The following ELOVL7 variants were observed in gnomAD, a reference collection of about 807,000 sequenced individuals.
ELOVL7 encodes the protein very long chain fatty acid elongase 7.
Under a neutral mutation model 35.7 loss-of-function variants are expected in ELOVL7, and 27 were observed. The observed-to-expected ratio is 0.76, with a 90% CI of 0.56 to 1.04. ELOVL7 has a LOEUF of 1.04. Ranked by LOEUF, ELOVL7 falls within the 50% of genes least tolerant of loss-of-function variation. The pLI is 0.00. For synonymous variants in ELOVL7, 113 were observed against 114.6 expected (o/e 0.99, Z 0.09); for missense variants, 327 against 340.8 (o/e 0.96, Z 0.32).
chr5:60,807,530 G>A (rs200195736), intron 1 of ELOVL7, among the ~76,000 whole-genome samples: 11 of 145,272 alleles, frequency 7.6e-5, no homozygotes, highest in African/African-American at 7.6e-5. Context: ...TTCATTTGAT[G>A]AAAAAAAAAA....
At chr5:60,786,560 T>C (rs890370573) in intron 3 of ELOVL7, among the ~76,000 whole-genome samples, 1 of 152,160 alleles carries the variant, frequency 6.6e-6, no homozygotes, top group African/African-American at 2.4e-5. Context: ...CATATCAGAA[T>C]CACTCGGAGG....
At chr5:60,817,103 G>A (rs1366010461) in intron 1 of ELOVL7, among the ~76,000 whole-genome samples, 2 of 151,878 alleles carry the variant, frequency 1.3e-5, no homozygotes, top group East Asian at 3.9e-4. Context: ...GATTAAATAT[G>A]ACCACTTTAA....
intron 1 of ELOVL7, among the ~76,000 whole-genome samples, chr5:60,808,737 A>G (rs1001425258): frequency 3.3e-5 from 5 of 152,344 alleles, no homozygotes; most frequent in Admixed American, 6.5e-5. Context: ...TCTTTGACTA[A>G]TAAATGGATA....
chr5:60,835,190 GA>G (rs60918884), intron 1 of ELOVL7, among the ~76,000 whole-genome samples: 4,436 of 81,372 alleles, frequency 0.055, 77 homozygotes, highest in Middle Eastern at 0.12. Context: ...ATCCCATCTT[GA>G]AAAAAAAAAA....
intron 1 of ELOVL7, among the ~76,000 whole-genome samples, chr5:60,843,812 G>A (rs139642417): frequency 1.2e-3 from 176 of 152,012 alleles, no homozygotes; most frequent in African/African-American, 3.7e-3. Context: ...GCTCCGCAGC[G>A]CGCCCACCGG....
At chr5:60,833,223 A>C (rs1453232565) in intron 1 of ELOVL7, among the ~76,000 whole-genome samples, 1 of 152,230 alleles carries the variant, frequency 6.6e-6, no homozygotes, top group Non-Finnish European at 1.5e-5. Flanking sequence ...CTGGTCCCAA[A>C]ATACTAAACA....
chr5:60,764,942 A>G (rs886335857), intron 6 of ELOVL7, among the ~76,000 whole-genome samples: 5 of 152,142 alleles, frequency 3.3e-5, no homozygotes, highest in Admixed American at 6.6e-5. Flanking sequence ...GTTTGTAAAA[A>G]CCCTGTCAAC....
At chr5:60,756,680 A>T (rs888911718) in intron 8 of ELOVL7, among the ~76,000 whole-genome samples, 1 of 152,132 alleles carries the variant, frequency 6.6e-6, no homozygotes, top group Non-Finnish European at 1.5e-5. Flanking sequence ...GAATGTGCCA[A>T]ATTTCATGTA....
At chr5:60,829,101 AAG>A (rs1399237658) in intron 1 of ELOVL7, among the ~76,000 whole-genome samples, 1 of 152,142 alleles carries the variant, frequency 6.6e-6, no homozygotes, top group African/African-American at 2.4e-5. Context: ...TTTCTATAAT[AAG>A]AGTTTTTTAA....
intron 1 of ELOVL7, among the ~76,000 whole-genome samples, chr5:60,829,833 G>A (rs984246811): frequency 5.9e-5 from 9 of 152,168 alleles, no homozygotes; most frequent in Non-Finnish European, 1.3e-4. Context: ...TTTGGCTTAG[G>A]CAAGGTTCAT....
At chr5:60,830,036 T>G (rs1746389282) in intron 1 of ELOVL7, among the ~76,000 whole-genome samples, 1 of 152,178 alleles carries the variant, frequency 6.6e-6, no homozygotes, top group East Asian at 1.9e-4. Flanking sequence ...TGAGAAATCA[T>G]TGTCCATTCT....
At chr5:60,807,861 T>C (rs997585522) in intron 1 of ELOVL7, among the ~76,000 whole-genome samples, 4 of 151,302 alleles carry the variant, frequency 2.6e-5, no homozygotes, top group Non-Finnish European at 4.4e-5. Context: ...TAGCCGGGCA[T>C]GGTGGTGGGC....
intron 3 of ELOVL7, chr5:60,784,254 G>T: frequency 2.8e-6 from 2 of 718,974 alleles, no homozygotes; most frequent in Non-Finnish European, 4.2e-6. Context: ...ACTTTTTGAA[G>T]TATTAAAGTT....
At chr5:60,836,539 C>T (rs1478490812) in intron 1 of ELOVL7, among the ~76,000 whole-genome samples, 1 of 152,024 alleles carries the variant, frequency 6.6e-6, no homozygotes, top group African/African-American at 2.4e-5. Flanking sequence ...CTACAGGATG[C>T]AACACAGCAC....
chr5:60,810,804 G>T (rs1736271885), intron 1 of ELOVL7, among the ~76,000 whole-genome samples: 1 of 152,184 alleles, frequency 6.6e-6, no homozygotes, highest in African/African-American at 2.4e-5. Flanking sequence ...GTAGGGTAGG[G>T]TGGAAGGGCT....
At chr5:60,771,776 G>T in intron 4 of ELOVL7, 127 bp downstream of exon 4, 1 of 675,974 alleles carries the variant, frequency 1.5e-6, no homozygotes, top group Non-Finnish European at 2.5e-6. Context: ...GCAAATACCT[G>T]CTCTAGTGAG....
intron 4 of ELOVL7, among the ~76,000 whole-genome samples, 154 bp downstream of exon 4, chr5:60,771,749 T>C (rs1039284652): frequency 1.3e-5 from 2 of 152,244 alleles, no homozygotes; most frequent in African/African-American, 4.8e-5. Context: ...ATTTGGTCTA[T>C]ACCTAACACT....
chr5:60,771,308 C>G (rs1385842590), intron 4 of ELOVL7, among the ~76,000 whole-genome samples: 1 of 152,020 alleles, frequency 6.6e-6, no homozygotes, highest in African/African-American at 2.4e-5. Flanking sequence ...TGGAAGAGCC[C>G]CATCTCTCTT....
intron 1 of ELOVL7, among the ~76,000 whole-genome samples, chr5:60,816,380 C>CAAAAAAAA (rs5868256): frequency 7.1e-6 from 1 of 140,430 alleles, no homozygotes. Flanking sequence ...GACTCCATCT[C>CAAAAAAAA]AAAAAAAAAA....
Sources: allele counts gnomAD v4.1 joint callset (sites outside exome capture counted in the v4.1 genomes callset), GRCh38; gene constraint gnomAD v4.1.1; transcripts MANE v1.5; gene names NCBI Gene and HGNC (gene_info 2026-07-23, HGNC 2026-07-21).